Variants in IFT74 observed in about 807,000 individuals in gnomAD.
IFT74 encodes intraflagellar transport protein 74 homolog.
In IFT74, 92 loss-of-function variants were observed where a neutral mutation model predicts 96.7. The observed-to-expected ratio is 0.95, with a 90% CI of 0.80 to 1.13. The LOEUF is 1.13. IFT74 is among the 50% of genes most tolerant of loss of function. The pLI, the probability that IFT74 is intolerant of heterozygous loss-of-function variation, is 0.00. For synonymous variants in IFT74, 223 were observed against 213.2 expected (o/e 1.05, Z -0.40); for missense variants, 811 against 698.2 (o/e 1.16, Z -1.82).
intron 19 of IFT74, 68 bp downstream of exon 19, chr9:27,060,719 G>GACTAT: frequency 1.7e-6 from 2 of 1,144,182 alleles, no homozygotes; most frequent in Non-Finnish European, 2.5e-6. Context: ...AACACTTTGG[G>GACTAT]AGGCCGAGGC....
At chr9:26,975,075 G>C (rs1348390344) in intron 2 of IFT74, among the ~76,000 whole-genome samples, 1 of 147,528 alleles carries the variant, frequency 6.8e-6, no homozygotes, top group African/African-American at 2.5e-5. Context: ...CCCAAAGTCA[G>C]GGTTATAAGG....
chr9:26,997,000 C>T (rs1487894966), intron 8 of IFT74, among the ~76,000 whole-genome samples: 2 of 151,940 alleles, frequency 1.3e-5, no homozygotes, highest in African/African-American at 2.4e-5. Context: ...CACCTGAGGT[C>T]GGGAGTTTGA....
rs1024428385 is a variant in IFT74 at position 27,063,504 on chromosome 9, A to G, written c.*768A>G. 5.3e-5 allele frequency among the ~76,000 whole-genome samples: 8 copies of G among 152,132 alleles called. No individual in the cohort carries two copies. The highest frequency in any genetic ancestry group is 2.9e-5 in the Non-Finnish European group (2 of 67,980). On this transcript the variant is annotated 3_prime_UTR_variant, in exon 20 of 20. Coordinates refer to ENST00000380062, the MANE Select transcript of IFT74 (RefSeq NM_025103.4). ...GCCAGAATATTTGGGGAAAAAAGCT[A>G]GAAGAGGTAGGATTGGGAGAGAGGC...
chr9:27,047,431 A>G, intron 15 of IFT74, 60 bp downstream of exon 15: 1 of 990,362 alleles, frequency 1.0e-6, no homozygotes, highest in East Asian at 2.7e-5. Context: ...AACTTTCCAA[A>G]TACAACTCAA....
intron 8 of IFT74, among the ~76,000 whole-genome samples, chr9:27,006,987 C>T (rs567826460): frequency 4.6e-4 from 70 of 151,804 alleles, no homozygotes; most frequent in Non-Finnish European, 8.7e-4. Flanking sequence ...CAGGCGCCCA[C>T]CATCACGCCC....
At chr9:27,055,363 G>A (rs1820114955) in intron 16 of IFT74, among the ~76,000 whole-genome samples, 1 of 152,042 alleles carries the variant, frequency 6.6e-6, no homozygotes, top group African/African-American at 2.4e-5. Flanking sequence ...TTGTTAGCAT[G>A]GAGACAGCTG....
chr9:27,034,119 A>T (rs1256315205), intron 13 of IFT74, among the ~76,000 whole-genome samples: 1 of 152,214 alleles, frequency 6.6e-6, no homozygotes, highest in African/African-American at 2.4e-5. Flanking sequence ...AGGAGGGATT[A>T]TTGGGCATTA....
chr9:27,027,701 T>C (rs976023644), intron 12 of IFT74, among the ~76,000 whole-genome samples: 4 of 152,192 alleles, frequency 2.6e-5, no homozygotes, highest in Non-Finnish European at 5.9e-5. Flanking sequence ...ATATGCTAGA[T>C]AGAGGTGTCA....
intron 2 of IFT74, 92 bp from the exon 3 acceptor site, chr9:26,978,036 T>C (rs1827199139): frequency 8.7e-7 from 1 of 1,152,928 alleles, no homozygotes; most frequent in Non-Finnish European, 1.2e-6. Flanking sequence ...TAGAATTTTG[T>C]TTTTTTAAAA....
chr9:26,961,027 A>G (rs1826330523), intron 1 of IFT74, among the ~76,000 whole-genome samples: 1 of 151,674 alleles, frequency 6.6e-6, no homozygotes. Flanking sequence ...ACCAGCAACC[A>G]GGAAAGATCA....
chr9:27,018,422 T>G (rs1169814881), intron 11 of IFT74, among the ~76,000 whole-genome samples: 1 of 152,120 alleles, frequency 6.6e-6, no homozygotes, highest in Non-Finnish European at 1.5e-5. Flanking sequence ...TAGCTGTGAG[T>G]ATATCAGTTA....
chr9:26,951,632 C>T (rs977200798), upstream of IFT74, among the ~76,000 whole-genome samples: 23 of 152,298 alleles, frequency 1.5e-4, no homozygotes, highest in African/African-American at 5.3e-4. Context: ...GGCGCAATGG[C>T]TCACGCCTGT....
Position 26,961,306 on chromosome 9 carries a change from G to T in IFT74, c.-19-643G>T, listed in dbSNP as rs188452867. ...GGGGTTTCCCTGTGTTAGCCAGGAT[G>T]GTCTCCATCTGCTGACCTCATGATC... On this transcript the variant is annotated intron_variant, in intron 1 of 19. Transcript: ENST00000380062. 6.1e-4 allele frequency among the ~76,000 whole-genome samples: 93 copies of T among 152,100 alleles called. 1 individual carries two copies. The East Asian group carries it at 0.017, about 28-fold the overall frequency.
chr9:26,986,039 G>T (rs1011451320), intron 6 of IFT74, among the ~76,000 whole-genome samples: 4 of 152,158 alleles, frequency 2.6e-5, no homozygotes, highest in African/African-American at 9.7e-5. Flanking sequence ...AATTTCTAGT[G>T]TCAGAATTTT....
At chr9:26,998,333 G>T in intron 8 of IFT74, 1 of 771,790 alleles carries the variant, frequency 1.3e-6, no homozygotes, top group Non-Finnish European at 1.9e-6. Flanking sequence ...ACATTAGAAG[G>T]ACGTTATTTT....
At chr9:27,058,616 G>A (rs1008782445) in intron 18 of IFT74, among the ~76,000 whole-genome samples, 5 of 152,126 alleles carry the variant, frequency 3.3e-5, no homozygotes, top group African/African-American at 4.8e-5. Context: ...TCGAACTCCT[G>A]ACCTTAGGTC....
At chr9:27,053,492 A>G (rs368762845) in intron 16 of IFT74, among the ~76,000 whole-genome samples, 1 of 152,190 alleles carries the variant, frequency 6.6e-6, no homozygotes, top group Non-Finnish European at 1.5e-5. Context: ...ATGACAGACT[A>G]TCTTAGAAAC....
At chr9:26,998,570 A>G (rs143260123) in intron 8 of IFT74, among the ~76,000 whole-genome samples, 1 of 152,368 alleles carries the variant, frequency 6.6e-6, no homozygotes, top group African/African-American at 2.4e-5. Flanking sequence ...GTAAATAATA[A>G]TTCTGTTAAC....
intron 16 of IFT74, among the ~76,000 whole-genome samples, chr9:27,052,415 G>C (rs182505549): frequency 6.7e-6 from 1 of 149,368 alleles, no homozygotes; most frequent in African/African-American, 2.5e-5. Context: ...GGCTGAGGCC[G>C]AAGAATCACT....
Sources: allele counts gnomAD v4.1 joint callset (sites outside exome capture counted in the v4.1 genomes callset), GRCh38; gene constraint gnomAD v4.1.1; transcripts MANE v1.5; gene names NCBI Gene and HGNC (gene_info 2026-07-23, HGNC 2026-07-21).